The following POC1A variants were observed in gnomAD, a reference collection of about 807,000 sequenced individuals.
POC1A encodes the protein POC1 centriolar protein A, also known as POC1 centriolar protein homolog A.
Under a neutral mutation model 47.8 loss-of-function variants are expected in POC1A, and 34 were observed. That is an observed-to-expected ratio of 0.71 (90% CI 0.54 to 0.95). POC1A has a LOEUF of 0.95. Ranked by LOEUF, POC1A falls within the 40% of genes least tolerant of loss-of-function variation. POC1A has a pLI of 0.00. For missense variants in POC1A, 466 were observed against 528.3 expected (o/e 0.88, Z 1.16); for synonymous variants, 177 against 207.6 (o/e 0.85, Z 1.27).
At chr3:52,135,478 G>C (rs1004184703) in intron 7 of POC1A, among the ~76,000 whole-genome samples, 3 of 152,198 alleles carry the variant, frequency 2.0e-5, no homozygotes, top group Non-Finnish European at 4.4e-5. Context: ...CAGCTTCCCA[G>C]GCTCAAGCAA....
chr3:52,100,697 G>A (rs1001272185), intron 9 of POC1A, among the ~76,000 whole-genome samples: 2 of 152,158 alleles, frequency 1.3e-5, no homozygotes, highest in Non-Finnish European at 2.9e-5. Context: ...ACAGACACAA[G>A]TAGAGCTTGC....
At chr3:52,080,075 T>C (rs559144049) in intron 10 of POC1A, among the ~76,000 whole-genome samples, 1 of 152,294 alleles carries the variant, frequency 6.6e-6, no homozygotes, top group African/African-American at 2.4e-5. Flanking sequence ...CGCTCGTGTG[T>C]GCCAAAAACT....
Position 52,145,984 on chromosome 3 carries a change from G to GCA in POC1A, c.564-25_564-24dup, listed in dbSNP as rs566446219. The GCA allele has an allele frequency of 3.1e-4, 440 of 1,435,652 alleles. 1 individual carries two copies. Among genetic ancestry groups the GCA allele is most frequent in the South Asian group, 2.0e-3 (171 of 87,230 alleles). The allele number at this position is 1,435,652 out of a possible 1,614,324, so 88.9% of individuals were successfully genotyped here. On this transcript the variant is annotated intron_variant, in intron 5 of 10. Transcript: ENST00000296484. ...AAGCTGGAAAGACAGGGGCCACTAT[G>GCA]CACTATAGGAGGTCTGCCCTGGTTC...
intron 9 of POC1A, among the ~76,000 whole-genome samples, chr3:52,108,432 T>C (rs771715230): frequency 1.7e-4 from 26 of 152,214 alleles, no homozygotes; most frequent in Non-Finnish European, 3.7e-4. Context: ...GGTTTATTTA[T>C]AGATCCACTT....
intron 10 of POC1A, 30 bp downstream of exon 10, chr3:52,096,539 G>C: frequency 1.3e-6 from 2 of 1,511,818 alleles, no homozygotes; most frequent in Non-Finnish European, 1.8e-6. Flanking sequence ...CAGATGACGG[G>C]ATGACGGGTG....
At chr3:52,111,714 T>A (rs1251586582) in intron 9 of POC1A, among the ~76,000 whole-genome samples, 1 of 144,858 alleles carries the variant, frequency 6.9e-6, no homozygotes, top group Non-Finnish European at 1.5e-5. Context: ...GGGGTTCAAA[T>A]GTTAAGCCAT....
rs563697221 is a variant in POC1A at position 52,127,713 on chromosome 3, T to C, written c.814-2532A>G. 4.6e-5 allele frequency among the ~76,000 whole-genome samples: 7 copies of C among 151,670 alleles called. No homozygotes were observed. The South Asian group carries it at 1.5e-3, about 32-fold the overall frequency. On this transcript the variant is annotated intron_variant, in intron 7 of 10. Coordinates refer to ENST00000296484, the MANE Select transcript of POC1A (RefSeq NM_015426.5). The stretch of plus-strand genomic sequence containing the variant: ...CAGTCACAAACCTTTTTTTTTTTTT[T>C]GAGACAAAGTCTGGCTCTATCGCCC...
rs1369985214 is a variant in POC1A, at chr3:52,090,066, A to T, written c.1125+6503T>A. On this transcript the variant is annotated intron_variant, in intron 10 of 10. Transcript: ENST00000296484. The surrounding 1 kb of genome is among the most constrained non-coding windows in gnomAD (Gnocchi z 4.2). ...ATCCTTGGCCTTGTTGAGTTAGGACAGCAAAACGCAATGACTTGAACACTT... is the reference window on the plus strand; with the variant it reads ...ATCCTTGGCCTTGTTGAGTTAGGACTGCAAAACGCAATGACTTGAACACTT... 6.6e-6 allele frequency among the ~76,000 whole-genome samples: 1 copy of T among 152,222 alleles called. No individual in the cohort carries two copies. The highest frequency in any genetic ancestry group is 1.5e-5 in the Non-Finnish European group (1 of 68,038).
chr3:52,092,360 CA>C (rs910268425), intron 10 of POC1A, among the ~76,000 whole-genome samples: 12 of 152,272 alleles, frequency 7.9e-5, no homozygotes, highest in Admixed American at 6.5e-4. Context: ...CTAACTGCAC[CA>C]AAACTGTTTG....
chr3:52,083,672 C>T (rs1368630934), intron 10 of POC1A, among the ~76,000 whole-genome samples: 1 of 152,110 alleles, frequency 6.6e-6, no homozygotes, highest in Non-Finnish European at 1.5e-5. Context: ...GGTGAGAGGG[C>T]GAGGGAAACA....
rs191205629 is a variant in POC1A, at chr3:52,090,734, C to A, written c.1125+5835G>T. On this transcript the variant is annotated intron_variant, in intron 10 of 10. Coordinates refer to ENST00000296484, the MANE Select transcript of POC1A (RefSeq NM_015426.5). The surrounding 1 kb of genome is among the most constrained non-coding windows in gnomAD (Gnocchi z 4.2). ...CCCAAGAGCACAAGGGGAAACAGTA[C>A]CAGGGTCAGGCCCAGGGCCTCTGCT... Among the ~76,000 whole-genome samples the A allele has an allele frequency of 8.5e-5, 13 of 152,280 alleles. No homozygotes were observed. The highest frequency in any genetic ancestry group is 8.5e-4 in the Admixed American group (13 of 15,294).
intron 6 of POC1A, among the ~76,000 whole-genome samples, chr3:52,138,594 C>G (rs1356887074): frequency 6.6e-6 from 1 of 152,228 alleles, no homozygotes; most frequent in Non-Finnish European, 1.5e-5. Context: ...TCCTCTCCCA[C>G]AGCACCAAGC....
intron 10 of POC1A, among the ~76,000 whole-genome samples, chr3:52,091,217 C>A (rs915319358): frequency 1.3e-5 from 2 of 151,876 alleles, no homozygotes; most frequent in Non-Finnish European, 2.9e-5. Flanking sequence ...GCCCTTGGAC[C>A]CTGAGGGAGA....
chr3:52,104,344 G>A (rs1703100822), intron 9 of POC1A, among the ~76,000 whole-genome samples: 2 of 152,190 alleles, frequency 1.3e-5, no homozygotes, highest in South Asian at 2.1e-4. Flanking sequence ...TGACTACAGA[G>A]AAGCAAAAGA....
At chr3:52,089,142 G>T (rs759472501) in intron 10 of POC1A, among the ~76,000 whole-genome samples, 2 of 151,938 alleles carry the variant, frequency 1.3e-5, no homozygotes, top group East Asian at 1.9e-4. Context: ...GCCCGTTTTT[G>T]AGTGCTGTTC....
intron 10 of POC1A, among the ~76,000 whole-genome samples, chr3:52,085,463 T>C (rs1227669247): frequency 6.6e-6 from 1 of 152,230 alleles, no homozygotes; most frequent in African/African-American, 2.4e-5. Flanking sequence ...CTCTGCGGCA[T>C]GGCATTCCCG....
chr3:52,093,500 G>A (rs570356609), intron 10 of POC1A, among the ~76,000 whole-genome samples: 1 of 152,198 alleles, frequency 6.6e-6, no homozygotes, highest in Non-Finnish European at 1.5e-5. Context: ...GCAGCAACAG[G>A]AGCAGCACCC....
chr3:52,134,725 G>T (rs1704376997), intron 7 of POC1A, among the ~76,000 whole-genome samples: 1 of 151,260 alleles, frequency 6.6e-6, no homozygotes, highest in East Asian at 1.9e-4. Flanking sequence ...ACAGGTACTT[G>T]TCCCAGCTCT....
At chr3:52,119,429 C>T (rs979121292) in intron 9 of POC1A, among the ~76,000 whole-genome samples, 1 of 151,180 alleles carries the variant, frequency 6.6e-6, no homozygotes, top group Non-Finnish European at 1.5e-5. Context: ...GAGTCTCACT[C>T]TGTCATCCAA....
Sources: gnomAD v4.1 joint callset for allele counts (sites outside exome capture counted in the v4.1 genomes callset) on GRCh38, gnomAD v4.1.1 for gene constraint, Gnocchi (gnomAD v3.1) non-coding constraint, MANE v1.5 for transcripts, NCBI Gene and HGNC (gene_info 2026-07-23, HGNC 2026-07-21) for gene names.